ZBTB20: variants seen among roughly 807,000 people sequenced by gnomAD.
ZBTB20 encodes the protein zinc finger and BTB domain containing 20.
In ZBTB20, 9 loss-of-function variants were observed where a neutral mutation model predicts 56.9. That is an observed-to-expected ratio of 0.16 (90% CI 0.10 to 0.28). The LOEUF is 0.28. Ranked by LOEUF, ZBTB20 falls within the 10% of genes least tolerant of loss-of-function variation. ZBTB20 has a pLI of 1.00. For synonymous variants in ZBTB20, 417 were observed against 420.7 expected (o/e 0.99, Z 0.11); for missense variants, 655 against 1,003.0 (o/e 0.65, Z 4.69).
chr3:115,084,316 A>C (rs1025620875), intron 1 of ZBTB20, among the ~76,000 whole-genome samples: 1 of 151,094 alleles, frequency 6.6e-6, no homozygotes. Flanking sequence ...TAGAGAACTA[A>C]GAAAATAAAA....
At chr3:114,950,824 A>G (rs1172346107) in intron 3 of ZBTB20, among the ~76,000 whole-genome samples, 1 of 152,182 alleles carries the variant, frequency 6.6e-6, no homozygotes, top group Non-Finnish European at 1.5e-5. Flanking sequence ...TGATTATATT[A>G]ATACATGGAA....
intron 4 of ZBTB20, among the ~76,000 whole-genome samples, chr3:114,817,039 G>C (rs1037520059): frequency 1.3e-5 from 2 of 152,066 alleles, no homozygotes; most frequent in African/African-American, 4.8e-5. Flanking sequence ...ATAATGATAG[G>C]AAAAGCATGA....
chr3:114,586,742 C>G (rs1442591123), intron 6 of ZBTB20, among the ~76,000 whole-genome samples: 1 of 152,126 alleles, frequency 6.6e-6, no homozygotes, highest in African/African-American at 2.4e-5. Context: ...CTCATTAGGT[C>G]CTTCACCTGA....
At chr3:114,471,287 C>T (rs1216678574) in intron 7 of ZBTB20, among the ~76,000 whole-genome samples, 3 of 152,036 alleles carry the variant, frequency 2.0e-5, no homozygotes, top group Non-Finnish European at 2.9e-5. Flanking sequence ...TCCCATTTTG[C>T]GTGTGAGAAA....
chr3:114,724,167 G>C (rs926042960), intron 5 of ZBTB20, among the ~76,000 whole-genome samples: 3 of 152,006 alleles, frequency 2.0e-5, no homozygotes, highest in Non-Finnish European at 4.4e-5. Flanking sequence ...GCCACCGCTC[G>C]GCCTCCCAAA....
intron 4 of ZBTB20, among the ~76,000 whole-genome samples, chr3:114,887,096 G>A (rs1312187932): frequency 6.6e-6 from 1 of 152,014 alleles, no homozygotes; most frequent in Non-Finnish European, 1.5e-5. Context: ...CTCTCTTTAT[G>A]TTTCTATAAA....
intron 11 of ZBTB20, among the ~76,000 whole-genome samples, chr3:114,340,422 T>C (rs2108093037): frequency 6.6e-6 from 1 of 152,274 alleles, no homozygotes; most frequent in Middle Eastern, 3.4e-3. Flanking sequence ...TAAAATAGTT[T>C]TCCTGCGTCC....
At chr3:115,064,812 A>G (rs1301466983) in intron 2 of ZBTB20, among the ~76,000 whole-genome samples, 1 of 152,116 alleles carries the variant, frequency 6.6e-6, no homozygotes, top group African/African-American at 2.4e-5. Context: ...AAGAAATCAG[A>G]TACCATTCTG....
intron 2 of ZBTB20, among the ~76,000 whole-genome samples, chr3:114,976,766 TTA>T (rs934317384): frequency 1.3e-5 from 2 of 152,292 alleles, no homozygotes; most frequent in African/African-American, 4.8e-5. Flanking sequence ...TTTTTATAAA[TTA>T]TGTTTCCCCA....
intron 1 of ZBTB20, among the ~76,000 whole-genome samples, chr3:115,073,464 T>C (rs968839067): frequency 9.2e-5 from 14 of 152,162 alleles, no homozygotes; most frequent in Non-Finnish European, 1.8e-4. Context: ...TCAGAAGCTC[T>C]TCCAACCTCT....
At chr3:114,817,287 G>A (rs2072993101) in intron 4 of ZBTB20, among the ~76,000 whole-genome samples, 1 of 151,942 alleles carries the variant, frequency 6.6e-6, no homozygotes, top group African/African-American at 2.4e-5. Flanking sequence ...GGGAGGCTGA[G>A]GTGGGTGGAT....
chr3:115,067,394 TA>T (rs1401712534), intron 2 of ZBTB20, among the ~76,000 whole-genome samples: 2 of 152,048 alleles, frequency 1.3e-5, no homozygotes, highest in Non-Finnish European at 2.9e-5. Flanking sequence ...GAGTGCCTCT[TA>T]AAAAATTTAT....
At position 114,329,709 on chromosome 3, in the gene ZBTB20, G is replaced by GAAAAAAAAAAAAAA. The variant is rs57058775; in HGVS notation, c.*9282_*9295dup. 9 of 63,926 alleles carry GAAAAAAAAAAAAAA rather than the reference G, an allele frequency of 1.4e-4. No homozygotes were observed. In the East Asian group the frequency reaches 4.8e-3, roughly 34 times the overall value. The allele number at this position is 63,926 out of a possible 1,614,324, so 4.0% of individuals were successfully genotyped here. On this transcript the variant is annotated 3_prime_UTR_variant, in exon 12 of 12. Transcript: ENST00000675478. Reference sequence around the variant, plus strand: ...TGAAACTCTGGTTTTACTTTTTTTGGAAAAAAAAAAAAAAAAAAAAAAAAA... The same window carrying GAAAAAAAAAAAAAA: ...TGAAACTCTGGTTTTACTTTTTTTGGAAAAAAAAAAAAAAAAAAAAAAAAAAAAAAAAAAAAAAA...
intron 4 of ZBTB20, among the ~76,000 whole-genome samples, chr3:114,837,655 G>A (rs1410753253): frequency 6.6e-6 from 1 of 152,090 alleles, no homozygotes; most frequent in Non-Finnish European, 1.5e-5. Flanking sequence ...GGGAGAGAGT[G>A]ATAGAGGGAC....
intron 5 of ZBTB20, among the ~76,000 whole-genome samples, chr3:114,740,124 T>C (rs1302848538): frequency 6.6e-6 from 1 of 152,208 alleles, no homozygotes; most frequent in Non-Finnish European, 1.5e-5. Flanking sequence ...ATTTTCATAA[T>C]CCATTTTAAG....
At chr3:114,478,645 A>G (rs9880219) in intron 7 of ZBTB20, among the ~76,000 whole-genome samples, 10 of 152,316 alleles carry the variant, frequency 6.6e-5, no homozygotes, top group African/African-American at 2.2e-4. Flanking sequence ...AAAACAGTCC[A>G]TATTTACATA....
At chr3:114,407,948 A>T (rs574122486) in intron 7 of ZBTB20, among the ~76,000 whole-genome samples, 5 of 152,250 alleles carry the variant, frequency 3.3e-5, no homozygotes, top group Admixed American at 1.3e-4. Context: ...TAACATACAC[A>T]CATCTGATAA....
chr3:114,826,009 G>C (rs2073504854), intron 4 of ZBTB20, among the ~76,000 whole-genome samples: 1 of 151,704 alleles, frequency 6.6e-6, no homozygotes, highest in Admixed American at 6.6e-5. Context: ...AGTAGGAAAA[G>C]AACTGGGAAT....
chr3:114,625,420 C>A (rs1300261622), intron 6 of ZBTB20, among the ~76,000 whole-genome samples: 1 of 152,158 alleles, frequency 6.6e-6, no homozygotes, highest in Non-Finnish European at 1.5e-5. Flanking sequence ...TATTTTGGTA[C>A]TGTTTTCCCA....
Sources: gnomAD v4.1 joint callset for allele counts (sites outside exome capture counted in the v4.1 genomes callset) on GRCh38, gnomAD v4.1.1 for gene constraint, MANE v1.5 for transcripts, NCBI Gene and HGNC (gene_info 2026-07-23, HGNC 2026-07-21) for gene names.